Variants in TG observed in about 807,000 individuals in gnomAD.
TG encodes the protein thyroglobulin.
A neutral mutation model predicts 324.7 loss-of-function variants in TG; 270 were observed. The observed-to-expected ratio is 0.83, with a 90% CI of 0.75 to 0.92. The LOEUF is 0.92. Among genes scored for constraint, TG ranks in the 40% least tolerant of loss-of-function variants. TG has a pLI of 0.00. For synonymous variants in TG, 1,401 were observed against 1,327.0 expected, an observed-to-expected ratio of 1.06 and a Z score of -1.21; for missense variants, 3,591 against 3,456.4, an observed-to-expected ratio of 1.04 and a Z score of -0.98.
intron 40 of TG, 34 bp downstream of exon 40, chr8:133,022,184 C>G (rs775056953): frequency 1.2e-6 from 2 of 1,613,664 alleles, no homozygotes; most frequent in South Asian, 1.1e-5. Flanking sequence ...GCTGCTGACC[C>G]CCTGAGCCAA....
At chr8:133,011,356 C>T (rs1444907079) in intron 35 of TG, among the ~76,000 whole-genome samples, 2 of 152,030 alleles carry the variant, frequency 1.3e-5, no homozygotes, top group African/African-American at 2.4e-5. Flanking sequence ...GAGCTGCCAG[C>T]CATCAGCTTA....
At chr8:133,015,327 C>T (rs1396875124) in intron 37 of TG, among the ~76,000 whole-genome samples, 1 of 152,212 alleles carries the variant, frequency 6.6e-6, no homozygotes, top group Non-Finnish European at 1.5e-5. Context: ...TGCACATATG[C>T]ATCTACAGGT....
chr8:132,936,215 G>A (rs559165450), intron 25 of TG, among the ~76,000 whole-genome samples: 6 of 152,348 alleles, frequency 3.9e-5, no homozygotes, highest in South Asian at 2.1e-4. Context: ...GGCAGAACCC[G>A]CTGAGTTCAG....
At chr8:132,876,499 G>A (rs2132082724) in intron 5 of TG, among the ~76,000 whole-genome samples, 1 of 152,296 alleles carries the variant, frequency 6.6e-6, no homozygotes, top group South Asian at 2.1e-4. Context: ...CCAGAAGGCT[G>A]GAATCCTGTG....
intron 14 of TG, among the ~76,000 whole-genome samples, chr8:132,899,371 T>C (rs895976518): frequency 6.6e-6 from 1 of 152,126 alleles, no homozygotes; most frequent in African/African-American, 2.4e-5. Flanking sequence ...GATGTAGAGC[T>C]CCTAGAGAAC....
chr8:132,902,417 G>A (rs886294914), intron 16 of TG, among the ~76,000 whole-genome samples: 5 of 152,148 alleles, frequency 3.3e-5, no homozygotes, highest in Middle Eastern at 3.4e-3. Flanking sequence ...GGGGTGGGAG[G>A]GAAGAGTCCC....
chr8:133,078,157 C>T (rs1264857550), intron 41 of TG, among the ~76,000 whole-genome samples: 2 of 152,208 alleles, frequency 1.3e-5, no homozygotes, highest in Non-Finnish European at 1.5e-5. Flanking sequence ...CCCATCCTTC[C>T]TCTCCACCAT....
intron 44 of TG, 165 bp downstream of exon 44, chr8:133,113,768 G>A (rs1850466417): frequency 3.7e-6 from 3 of 815,238 alleles, no homozygotes; most frequent in Non-Finnish European, 5.7e-6. Context: ...CCTGCTGAGG[G>A]GAAGCCCTGG....
rs1360063200 is a variant in TG at position 132,913,234 on chromosome 8, A to G, written c.4347A>G (p.Thr1449=). The G allele has an allele frequency of 5.0e-6, 8 of 1,614,018 alleles. No homozygotes were observed. In the African/African-American group the frequency reaches 5.3e-5, roughly 11 times the overall value. Residue 1449 remains threonine (T), a synonymous_variant, in exon 20 of 48, where the codon ACA becomes ACG. Transcript: ENST00000220616. Reference sequence around the variant, plus strand: ...CGGAAGGATTCTACCAAGTCTTGACAAGTGAGGCCAGTCAGGACGGACTGG... The same window carrying G: ...CGGAAGGATTCTACCAAGTCTTGACGAGTGAGGCCAGTCAGGACGGACTGG... The part of the protein sequence containing the change: ...GCSEGFYQVL[T]SEASQDGLGC...
intron 41 of TG, among the ~76,000 whole-genome samples, chr8:133,051,424 G>A (rs1371985609): frequency 6.6e-6 from 1 of 152,180 alleles, no homozygotes; most frequent in Non-Finnish European, 1.5e-5. Flanking sequence ...TTTTGGGGAA[G>A]GAGTGTGAGG....
chr8:132,899,987 C>A (rs1018903434), intron 14 of TG, among the ~76,000 whole-genome samples: 1 of 152,228 alleles, frequency 6.6e-6, no homozygotes, highest in African/African-American at 2.4e-5. Context: ...TCTGAGAGAT[C>A]TTCAGTTTCA....
intron 5 of TG, among the ~76,000 whole-genome samples, chr8:132,880,760 A>C (rs1814542580): frequency 6.6e-6 from 1 of 152,216 alleles, no homozygotes; most frequent in Non-Finnish European, 1.5e-5. Context: ...ATTGCAATAC[A>C]TGTATATGGC....
chr8:132,940,213 A>T (rs1824246220), intron 25 of TG, among the ~76,000 whole-genome samples: 1 of 152,146 alleles, frequency 6.6e-6, no homozygotes, highest in Admixed American at 6.5e-5. Flanking sequence ...GACTGACGGG[A>T]GGTCAGAGTG....
At chr8:132,915,782 A>T (rs113081169) in intron 20 of TG, among the ~76,000 whole-genome samples, 50 of 152,332 alleles carry the variant, frequency 3.3e-4, no homozygotes, top group African/African-American at 8.7e-4. Flanking sequence ...GTGGTTTGCC[A>T]GTCTTGCTCT....
rs1818957309 is a variant in TG, at chr8:132,908,183, C to T, written c.3848-3C>T. 3.1e-6 allele frequency: 5 copies of T among 1,613,854 alleles called. No individual in the cohort carries two copies. The highest frequency in any genetic ancestry group is 1.1e-5 in the South Asian group (1 of 91,086). ...TCTGCTGATCTCTGGTGCTTGCCTG[C>T]AGGGCCCCAGCTGTGGCAGACCATC... On this transcript the variant is annotated splice_region_variant and splice_polypyrimidine_tract_variant and intron_variant, in intron 17 of 47. Transcript: ENST00000220616.
Position 132,882,899 on chromosome 8 carries a change from T to C in TG, c.975T>C (p.Tyr325=). ...CAAGCTGCCGCCGAAATGGCGACTA[T>C]CAGGCGGTGCAGTGCCAGACGGAAG... The part of the protein sequence containing the change: ...YVPSCRRNGD[Y]QAVQCQTEGP... The change falls in exon 8 of 48, where the codon TAT becomes TAC. Residue 325 remains tyrosine, a synonymous_variant. Transcript: ENST00000220616. The C allele has an allele frequency of 6.2e-7, 1 of 1,614,210 alleles. No individual in the cohort carries two copies. Among genetic ancestry groups the C allele is most frequent in the East Asian group, 2.2e-5 (1 of 44,884 alleles).
chr8:133,044,707 T>C (rs983566789), intron 41 of TG, among the ~76,000 whole-genome samples: 2 of 152,222 alleles, frequency 1.3e-5, no homozygotes, highest in African/African-American at 4.8e-5. Context: ...ATGTGCAAGC[T>C]GGTTGCAGTT....
chr8:132,883,781 C>A (rs1274960443), intron 8 of TG, among the ~76,000 whole-genome samples: 1 of 152,062 alleles, frequency 6.6e-6, no homozygotes, highest in Non-Finnish European at 1.5e-5. Flanking sequence ...AAGGTCATTG[C>A]CATGTTCCAG....
chr8:133,100,225 C>A (rs143188372), intron 43 of TG, among the ~76,000 whole-genome samples: 2 of 152,182 alleles, frequency 1.3e-5, no homozygotes, highest in African/African-American at 4.8e-5. Flanking sequence ...AACTCACTGC[C>A]TTACTCCCTT....
Sources: gnomAD v4.1 joint callset for allele counts (sites outside exome capture counted in the v4.1 genomes callset) on GRCh38, gnomAD v4.1.1 for gene constraint, MANE v1.5 for transcripts, NCBI Gene and HGNC (gene_info 2026-07-23, HGNC 2026-07-21) for gene names.